ZNF225: variants seen among roughly 807,000 people sequenced by gnomAD.
ZNF225 encodes zinc finger protein 225.
Under a neutral mutation model 12.0 loss-of-function variants are expected in ZNF225, and 6 were observed. The ratio of observed to expected loss-of-function variants is 0.50; its 90% CI spans 0.27 to 0.98. The LOEUF is 0.98. ZNF225 is among the 50% of genes least tolerant of loss of function. ZNF225 has a pLI of 0.11. For missense variants in ZNF225, 763 were observed against 848.2 expected (o/e 0.90, Z 1.25); for synonymous variants, 271 against 283.2 (o/e 0.96, Z 0.43).
In ZNF225 at chr19:44,131,161, AAG is replaced by A; in HGVS notation, c.550_551del (p.Ser184PhefsTer4). On this transcript the variant is annotated frameshift_variant, in exon 5 of 5. Coordinates refer to ENST00000262894, the MANE Select transcript of ZNF225 (RefSeq NM_013362.4). LOFTEE classifies it low-confidence loss of function (END_TRUNC). Reference protein sequence around the residue: ...EKSHTCDECGKSFCYSSALRI... With the variant: ...EKSHTCDECGXSFCYSSALRI... Reference sequence around the variant, plus strand: ...GTCTCATACATGTGATGAATGTGGAAAGAGTTTCTGTTATAGCTCAGCTCTTC... The same window carrying A: ...GTCTCATACATGTGATGAATGTGGAAAGTTTCTGTTATAGCTCAGCTCTTC... 1 of 1,614,200 alleles carries A rather than the reference AAG, an allele frequency of 6.2e-7. No homozygotes were observed. The highest frequency in any genetic ancestry group is 8.5e-7 in the Non-Finnish European group (1 of 1,180,030).
In ZNF225 at chr19:44,132,609, A is replaced by G. The variant is rs1380151693; in HGVS notation, c.1995A>G (p.Ser665=). Residue 665 remains serine, a synonymous_variant, in exon 5 of 5, where the codon TCA becomes TCG. Transcript: ENST00000262894. ...GTGGGAAGAGCATTGTGCACAGTTC[A>G]TGCCTTAAAGACCAACAAAGAGACC... ...EDCGKSIVHS[S]CLKDQQRDQS... is the part of the protein sequence containing the mutation. The G allele has an allele frequency of 6.2e-7, 1 of 1,614,164 alleles. No homozygotes were observed. Among genetic ancestry groups the G allele is most frequent in the East Asian group, 2.2e-5 (1 of 44,888 alleles).
Position 44,133,809 on chromosome 19 carries a change from GAGAT to G in ZNF225, c.*1079_*1082del, listed in dbSNP as rs1028981332. ...TTGATTTTTATAATCAAATCTACTA[GAGAT>G]AGATTTGATTTTTATAATCAAATCT... On this transcript the variant is annotated 3_prime_UTR_variant, in exon 5 of 5. Coordinates refer to ENST00000262894, the MANE Select transcript of ZNF225 (RefSeq NM_013362.4). 1.6e-5 allele frequency: 2 copies of G among 127,674 alleles called. No homozygotes were observed. The highest frequency in any genetic ancestry group is 3.3e-5 in the Non-Finnish European group (2 of 60,598). The allele number at this position is 127,674 out of a possible 1,614,324, so 7.9% of individuals were successfully genotyped here. A position where few individuals can be genotyped will look rare whatever the true frequency, so the allele number is the denominator to read the frequency against.
rs757605338 is a variant in ZNF225 at position 44,131,011 on chromosome 19, C to G, written c.397C>G (p.Gln133Glu). 5.6e-6 allele frequency: 9 copies of G among 1,614,044 alleles called. No homozygotes were observed. The highest frequency in any genetic ancestry group is 3.3e-4 in the Middle Eastern group (2 of 6,062). The change falls in exon 5 of 5, where the codon CAG (glutamine) becomes GAG (glutamate). Residue 133 changes from glutamine (Q) to glutamate (E), a missense_variant. Coordinates refer to ENST00000262894, the MANE Select transcript of ZNF225 (RefSeq NM_013362.4). Reference sequence around the variant, plus strand: ...CTCCAAACAAGATGATATGCCCTGCCAGGTTGATGCAGGACTATCTATAAT... The same window carrying G: ...CTCCAAACAAGATGATATGCCCTGCGAGGTTGATGCAGGACTATCTATAAT... ...QFSKQDDMPCQVDAGLSIIHV... is the reference protein window; with the variant it reads ...QFSKQDDMPCEVDAGLSIIHV...
At chr19:44,113,678 G>T (rs1397769582) in intron 1 of ZNF225, 109 bp downstream of exon 1, 1 of 152,150 alleles carries the variant, frequency 6.6e-6, no homozygotes, top group East Asian at 1.9e-4. Flanking sequence ...GTCGCGTCTC[G>T]CCTGGTTTTA....
In ZNF225 at chr19:44,132,822, A is replaced by G. The variant is rs1417308449; in HGVS notation, c.*87A>G. 8.9e-7 allele frequency: 1 copy of G among 1,121,648 alleles called. No homozygotes were observed. The highest frequency in any genetic ancestry group is 3.0e-5 in the Admixed American group (1 of 33,598). The allele number at this position is 1,121,648 out of a possible 1,614,324, so 69.5% of individuals were successfully genotyped here. A position where few individuals can be genotyped will look rare whatever the true frequency, so the allele number is the denominator to read the frequency against. On this transcript the variant is annotated 3_prime_UTR_variant, in exon 5 of 5. Transcript: ENST00000262894. ...TCAAATCAGTGTAATTAACATACCT[A>G]TCACCTCAAACATTTATCATTTATT... is the stretch of plus-strand genomic sequence containing the variant.
At chr19:44,115,266 C>A (rs1316755602) in intron 1 of ZNF225, among the ~76,000 whole-genome samples, 1 of 152,138 alleles carries the variant, frequency 6.6e-6, no homozygotes, top group East Asian at 1.9e-4. Flanking sequence ...TTTTTAGGAA[C>A]TTTGTGGAGT....
intron 4 of ZNF225, among the ~76,000 whole-genome samples, chr19:44,118,847 C>T (rs1477706389): frequency 1.1e-4 from 17 of 149,662 alleles, no homozygotes; most frequent in Middle Eastern, 3.4e-3. Flanking sequence ...GATGGAGTCT[C>T]GCTGTGTCGC....
In ZNF225 at chr19:44,131,873, G is replaced by A; in HGVS notation, c.1259G>A (p.Arg420Lys). Residue 420 changes from arginine (R) to lysine (K), a missense_variant, in exon 5 of 5, where the codon AGA (arginine) becomes AAA (lysine). By Grantham distance (26) the Arg-to-Lys change is conservative (BLOSUM62 2). Coordinates refer to ENST00000262894, the MANE Select transcript of ZNF225 (RefSeq NM_013362.4). ...YTNSQRYSHQ[R>K]AHSGEKPYRC... ...AATTCACAACGTTATTCTCACCAGA[G>A]AGCGCACAGTGGAGAAAAGCCATAT... 6.2e-7 allele frequency: 1 copy of A among 1,614,180 alleles called. No homozygotes were observed. Among genetic ancestry groups the A allele is most frequent in the Non-Finnish European group, 8.5e-7 (1 of 1,180,038 alleles).
In ZNF225 at chr19:44,133,185, G is replaced by A. The variant is rs1968323489; in HGVS notation, c.*450G>A. 1 of 157,300 alleles carries A rather than the reference G, an allele frequency of 6.4e-6. No individual in the cohort carries two copies. The allele number at this position is 157,300 out of a possible 1,614,324, so 9.7% of individuals were successfully genotyped here. ...GTGATAGAATTTTGTTGTTTTTCAT[G>A]GCTAAATAGTACTCTGATGTGTATA... On this transcript the variant is annotated 3_prime_UTR_variant, in exon 5 of 5. Coordinates refer to ENST00000262894, the MANE Select transcript of ZNF225 (RefSeq NM_013362.4).
intron 1 of ZNF225, 133 bp from the exon 2 acceptor site, chr19:44,115,626 GC>G: frequency 2.1e-6 from 1 of 485,980 alleles, no homozygotes. Flanking sequence ...TTGTTGGTGT[GC>G]AGTTTTGGGT....
intron 4 of ZNF225, among the ~76,000 whole-genome samples, chr19:44,120,119 A>G (rs1240188787): frequency 6.6e-6 from 1 of 152,174 alleles, no homozygotes; most frequent in Non-Finnish European, 1.5e-5. Context: ...CGGGAGGCTG[A>G]GGCAGGAGAA....
intron 2 of ZNF225, among the ~76,000 whole-genome samples, chr19:44,117,893 C>T (rs564792432): frequency 1.3e-5 from 2 of 152,232 alleles, no homozygotes; most frequent in East Asian, 3.9e-4. Flanking sequence ...GTGGCAGGCA[C>T]CTGTAATCCC....
chr19:44,123,752 C>T (rs1968097065), intron 4 of ZNF225, among the ~76,000 whole-genome samples: 1 of 152,158 alleles, frequency 6.6e-6, no homozygotes, highest in Non-Finnish European at 1.5e-5. Flanking sequence ...TTATCCACCT[C>T]TTCCAGGTTT....
chr19:44,115,942 A>G (rs891892201), intron 2 of ZNF225, 100 bp downstream of exon 2: 2 of 1,195,194 alleles, frequency 1.7e-6, no homozygotes, highest in Non-Finnish European at 2.4e-6. Flanking sequence ...GCTCATTGCA[A>G]CCTCCACCTC....
rs752668846 is a variant in ZNF225 at position 44,131,085 on chromosome 19, T to C, written c.471T>C (p.Phe157=). 4 of 1,613,990 alleles carry C rather than the reference T, an allele frequency of 2.5e-6. No homozygotes were observed. The highest frequency in any genetic ancestry group is 2.7e-5 in the African/African-American group (2 of 74,938). Reference sequence around the variant, plus strand: ...AGGGTAGGACGTGTAAAAAGTCCTTTAGTGATGTCTCCGTCCTTGATCTTC... The same window carrying C: ...AGGGTAGGACGTGTAAAAAGTCCTTCAGTGATGTCTCCGTCCTTGATCTTC... The part of the protein sequence containing the change: ...PSEGRTCKKS[F]SDVSVLDLHQ... Residue 157 remains phenylalanine (F), a synonymous_variant, in exon 5 of 5, where the codon TTT becomes TTC. Transcript: ENST00000262894.
At position 44,132,620 on chromosome 19, in the gene ZNF225, A is replaced by T; in HGVS notation, c.2006A>T (p.Asp669Val). ...KSIVHSSCLK[D>V]QQRDQSGEKT... is the part of the protein sequence containing the mutation. Reference sequence around the variant, plus strand: ...ATTGTGCACAGTTCATGCCTTAAAGACCAACAAAGAGACCAAAGTGGAGAG... The same window carrying T: ...ATTGTGCACAGTTCATGCCTTAAAGTCCAACAAAGAGACCAAAGTGGAGAG... Residue 669 changes from aspartate to valine, a missense_variant, in exon 5 of 5, where the codon GAC (aspartate) becomes GTC (valine). By Grantham distance (152) the Asp-to-Val change is radical. Coordinates refer to ENST00000262894, the MANE Select transcript of ZNF225 (RefSeq NM_013362.4). The T allele has an allele frequency of 6.2e-7, 1 of 1,613,812 alleles. No individual in the cohort carries two copies. Among genetic ancestry groups the T allele is most frequent in the Non-Finnish European group, 8.5e-7 (1 of 1,179,936 alleles).
intron 2 of ZNF225, among the ~76,000 whole-genome samples, chr19:44,117,203 T>C (rs1032008901): frequency 1.3e-5 from 2 of 152,208 alleles, no homozygotes; most frequent in African/African-American, 2.4e-5. Context: ...TGTTTAATCA[T>C]TGAAAAAACT....
chr19:44,130,794 A>G (rs1449890819), intron 4 of ZNF225, 56 bp from the exon 5 acceptor site: 1 of 1,494,398 alleles, frequency 6.7e-7, no homozygotes, highest in East Asian at 2.3e-5. Flanking sequence ...TGAAATCTTG[A>G]TAACACTGAA....
intron 2 of ZNF225, among the ~76,000 whole-genome samples, chr19:44,116,833 C>G (rs1480946982): frequency 2.6e-5 from 4 of 152,072 alleles, no homozygotes; most frequent in African/African-American, 9.7e-5. Flanking sequence ...TACACGTATC[C>G]TCTTGAAAGA....
Sources: gnomAD v4.1 joint callset for allele counts (sites outside exome capture counted in the v4.1 genomes callset) on GRCh38, gnomAD v4.1.1 for gene constraint, MANE v1.5 for transcripts, NCBI Gene and HGNC (gene_info 2026-07-23, HGNC 2026-07-21) for gene names.